Variants in RICTOR observed in about 807,000 individuals in gnomAD.
RICTOR encodes the protein RPTOR independent companion of MTOR complex 2.
A neutral mutation model predicts 214.9 loss-of-function variants in RICTOR; 49 were observed. The observed-to-expected ratio is 0.23, with a 90% CI of 0.18 to 0.29. RICTOR has a LOEUF of 0.29. Ranked by LOEUF, RICTOR falls within the 10% of genes least tolerant of loss-of-function variation. The pLI is 1.00. For missense variants in RICTOR, 1,625 were observed against 2,047.0 expected (o/e 0.79, Z 3.98); for synonymous variants, 717 against 711.3 (o/e 1.01, Z -0.13).
intron 2 of RICTOR, among the ~76,000 whole-genome samples, chr5:39,041,234 T>C (rs1415830387): frequency 6.6e-6 from 1 of 152,170 alleles, no homozygotes; most frequent in African/African-American, 2.4e-5. Flanking sequence ...GAGCAATATG[T>C]ACATTAACAT....
chr5:39,031,407 T>C (rs537800570), intron 2 of RICTOR, among the ~76,000 whole-genome samples: 1 of 152,320 alleles, frequency 6.6e-6, no homozygotes, highest in African/African-American at 2.4e-5. Flanking sequence ...TGCTATTTAC[T>C]CCTCTCTAAA....
At chr5:39,031,826 T>C (rs370987552) in intron 2 of RICTOR, among the ~76,000 whole-genome samples, 19 of 152,216 alleles carry the variant, frequency 1.2e-4, no homozygotes, top group African/African-American at 4.6e-4. Flanking sequence ...TCTATGATTA[T>C]TGTGAGCAGA....
intron 2 of RICTOR, among the ~76,000 whole-genome samples, chr5:39,058,483 T>G (rs1454336014): frequency 6.6e-6 from 1 of 152,074 alleles, no homozygotes. Flanking sequence ...TGACATTACT[T>G]TATGACTTCC....
intron 2 of RICTOR, among the ~76,000 whole-genome samples, chr5:39,037,848 G>C (rs920298160): frequency 2.0e-5 from 3 of 152,158 alleles, no homozygotes; most frequent in African/African-American, 7.2e-5. Context: ...ACCAAAAAAA[G>C]TCCAGGACCA....
intron 2 of RICTOR, among the ~76,000 whole-genome samples, chr5:39,057,282 A>ATGGTTCCATTGATGT (rs1235644791): frequency 6.6e-6 from 1 of 152,190 alleles, no homozygotes; most frequent in African/African-American, 2.4e-5. Context: ...AGTAACATCA[A>ATGGTTCCATTGATGT]TGGTTCCATT....
At chr5:39,071,864 G>A (rs1434069802) in intron 2 of RICTOR, among the ~76,000 whole-genome samples, 1 of 152,138 alleles carries the variant, frequency 6.6e-6, no homozygotes, top group Non-Finnish European at 1.5e-5. Flanking sequence ...ATTTTTGGTT[G>A]CCCAAACTTT....
chr5:38,970,866 A>G lies in RICTOR; in HGVS notation c.972+1011T>C, dbSNP rs145392960. On this transcript the variant is annotated intron_variant, in intron 11 of 37. Coordinates refer to ENST00000357387, the MANE Select transcript of RICTOR (RefSeq NM_152756.5). ...AAAATCTCACCACATATTACAAAAC[A>G]TAAGTTAGAAGGCATAAATACATTT... 267 of 152,360 alleles carry G rather than the reference A, an allele frequency of 1.8e-3. 1 individual carries two copies. Among genetic ancestry groups the G allele is most frequent in the African/African-American group, 6.1e-3 (253 of 41,592 alleles). 9.4% of individuals were successfully genotyped at this position (152,360 alleles called of 1,614,324 possible). A position where few individuals can be genotyped will look rare whatever the true frequency, so the allele number is the denominator to read the frequency against.
rs1007598623 is a variant in RICTOR, at chr5:39,011,701, A to G, written c.196-8079T>C. ...TCAAGGGAGATCATTTTGGAACTTGAAGGTTTAATGACTGCCATATTGGGT... is the reference window on the plus strand; with the variant it reads ...TCAAGGGAGATCATTTTGGAACTTGGAGGTTTAATGACTGCCATATTGGGT... On this transcript the variant is annotated intron_variant, in intron 3 of 37. Coordinates refer to ENST00000357387, the MANE Select transcript of RICTOR (RefSeq NM_152756.5). Among the ~76,000 whole-genome samples, 3 of 152,118 alleles carry G rather than the reference A, an allele frequency of 2.0e-5. No individual in the cohort carries two copies. The East Asian group carries it at 5.8e-4, about 29-fold the overall frequency.
intron 2 of RICTOR, among the ~76,000 whole-genome samples, chr5:39,059,905 T>A (rs1458244993): frequency 6.6e-6 from 1 of 152,060 alleles, no homozygotes; most frequent in Non-Finnish European, 1.5e-5. Context: ...CAAAAGGAGA[T>A]GAAGAAACAC....
chr5:38,942,809 T>G (rs1239569493), intron 37 of RICTOR, 24 bp downstream of exon 37: 1 of 1,527,016 alleles, frequency 6.5e-7, no homozygotes, highest in East Asian at 2.2e-5. Flanking sequence ...GAAGATAAAT[T>G]TGAGAAGTAC....
chr5:38,944,038 T>C (rs1747900510), intron 36 of RICTOR, among the ~76,000 whole-genome samples: 1 of 152,198 alleles, frequency 6.6e-6, no homozygotes, highest in East Asian at 1.9e-4. Context: ...ACAGCCACCA[T>C]TAACTACTAT....
chr5:39,063,028 A>G (rs752376131), intron 2 of RICTOR, among the ~76,000 whole-genome samples: 3 of 152,172 alleles, frequency 2.0e-5, no homozygotes, highest in Non-Finnish European at 4.4e-5. Context: ...CACCCATCCC[A>G]TTTATATTCT....
At chr5:38,990,869 A>ATATGATAGATC (rs1362957301) in intron 7 of RICTOR, 80 bp downstream of exon 7, 76 of 754,378 alleles carry the variant, frequency 1.0e-4, no homozygotes, top group Non-Finnish European at 1.5e-4. Flanking sequence ...TATGATAGAT[A>ATATGATAGATC]TATGATAGAT....
chr5:38,960,356 C>T, intron 20 of RICTOR, 42 bp downstream of exon 20: 2 of 1,590,498 alleles, frequency 1.3e-6, no homozygotes, highest in Non-Finnish European at 1.7e-6. Flanking sequence ...GAAGCAAATT[C>T]AATAAAAAAC....
At chr5:39,074,203 G>T in intron 1 of RICTOR, 45 bp from the exon 2 acceptor site, 1 of 1,584,038 alleles carries the variant, frequency 6.3e-7, no homozygotes, top group Admixed American at 1.7e-5. Context: ...TGGCTCGCAG[G>T]CCAGCTGCGG....
chr5:38,990,782 A>AGATAT lies in RICTOR; in HGVS notation c.583+162_583+166dup, dbSNP rs1561503158. ...ATATATGAGATATATGATATATATG[A>AGATAT]GATATATGAGATATATGATATATAT... is the stretch of plus-strand genomic sequence containing the variant. On this transcript the variant is annotated intron_variant, in intron 7 of 37. Transcript: ENST00000357387. Among the ~76,000 whole-genome samples, 11 of 106,946 alleles carry AGATAT rather than the reference A, an allele frequency of 1.0e-4. 1 individual carries two copies. The highest frequency in any genetic ancestry group is 2.1e-4 in the Non-Finnish European group (11 of 51,822). The allele number at this position is 106,946 out of a possible 152,430, so 70.2% of individuals were successfully genotyped here. A position where few individuals can be genotyped will look rare whatever the true frequency, so the allele number is the denominator to read the frequency against.
rs2112778051 is a variant in RICTOR, at chr5:38,942,359, G to A, written c.5072C>T (p.Ala1691Val). 6.3e-7 allele frequency: 1 copy of A among 1,593,708 alleles called. No individual in the cohort carries two copies. Among genetic ancestry groups the A allele is most frequent in the Non-Finnish European group, 8.6e-7 (1 of 1,166,640 alleles). ...QFLQMHEEAE[A>V]VLATPPKQPI... ...TTGCTTTGGTGGTGTTGCCAACACA[G>A]CCTCTGCTTCTTCATGCATCTAGGG... is the stretch of plus-strand genomic sequence containing the variant. The change falls in exon 38 of 38, where the codon GCT (alanine) becomes GTT (valine). Residue 1691 changes from alanine (A) to valine (V), a missense_variant. By Grantham distance (64) the Ala-to-Val change is moderately conservative. Around this residue, in one of 5 missense-constraint regions of RICTOR, gnomAD observed 38 missense variants for 34.8 expected, o/e 1.09. Coordinates refer to ENST00000357387, the MANE Select transcript of RICTOR (RefSeq NM_152756.5).
At chr5:38,950,759 A>G (rs995639264) in intron 30 of RICTOR, 39 bp from the exon 31 acceptor site, 5 of 1,497,166 alleles carry the variant, frequency 3.3e-6, no homozygotes, top group Non-Finnish European at 4.5e-6. Context: ...CACATATAAA[A>G]TGACAAATTC....
chr5:38,974,815 T>A (rs577349515), intron 10 of RICTOR, among the ~76,000 whole-genome samples: 1 of 152,208 alleles, frequency 6.6e-6, no homozygotes, highest in Non-Finnish European at 1.5e-5. Context: ...TAAACATTTG[T>A]ATGGAAAAGG....
Sources: allele counts gnomAD v4.1 joint callset (sites outside exome capture counted in the v4.1 genomes callset), GRCh38; gene constraint gnomAD v4.1.1; regional missense constraint gnomAD v4.1.1; transcripts MANE v1.5; gene names NCBI Gene and HGNC (gene_info 2026-07-23, HGNC 2026-07-21).